The following LRP2 variants were observed in gnomAD, a reference collection of about 807,000 sequenced individuals.
LRP2 encodes the protein LDL receptor related protein 2.
A neutral mutation model predicts 531.0 loss-of-function variants in LRP2; 172 were observed. The ratio of observed to expected loss-of-function variants is 0.32; its 90% CI spans 0.29 to 0.37. The LOEUF (loss-of-function observed/expected upper bound fraction) is 0.37. Ranked by LOEUF, LRP2 falls within the 10% of genes least tolerant of loss-of-function variation. The pLI, the probability that LRP2 is intolerant of heterozygous loss-of-function variation, is 1.00. For missense variants in LRP2, 5,167 were observed against 5,868.3 expected, an observed-to-expected ratio of 0.88 and a Z score of 3.90; for synonymous variants, 1,992 against 2,027.6, an observed-to-expected ratio of 0.98 and a Z score of 0.47.
intron 50 of LRP2, among the ~76,000 whole-genome samples, chr2:169,183,086 A>G (rs1253705181): frequency 6.6e-6 from 1 of 152,140 alleles, no homozygotes; most frequent in African/African-American, 2.4e-5. Flanking sequence ...AGCATCCATA[A>G]CCTTCCAAAG....
chr2:169,294,973 C>A (rs1375391210), intron 4 of LRP2, among the ~76,000 whole-genome samples: 2 of 152,154 alleles, frequency 1.3e-5, no homozygotes, highest in Non-Finnish European at 2.9e-5. Flanking sequence ...TGTGAGACTG[C>A]ATAGCAGAGA....
intron 44 of LRP2, among the ~76,000 whole-genome samples, chr2:169,200,882 T>C (rs909209617): frequency 8.5e-5 from 13 of 152,074 alleles, no homozygotes. Flanking sequence ...TGATGGGAGC[T>C]TCATAAGAGA....
chr2:169,145,643 A>G, intron 70 of LRP2, 104 bp downstream of exon 70: 1 of 1,131,294 alleles, frequency 8.8e-7, no homozygotes, highest in Non-Finnish European at 1.3e-6. Context: ...GCACCAAGAG[A>G]TTAGCTTGTT....
chr2:169,234,080 C>A (rs555447484), intron 29 of LRP2, among the ~76,000 whole-genome samples: 53 of 152,280 alleles, frequency 3.5e-4, no homozygotes, highest in Non-Finnish European at 6.3e-4. Flanking sequence ...TCCTTCAAGT[C>A]ACAGCAACTA....
At chr2:169,308,277 G>A (rs1040561949) in intron 3 of LRP2, among the ~76,000 whole-genome samples, 6 of 152,018 alleles carry the variant, frequency 3.9e-5, no homozygotes, top group Admixed American at 3.3e-4. Flanking sequence ...ACAGCGTGCA[G>A]GTTTGTTACA....
At chr2:169,152,738 C>G (rs1224294188) in intron 67 of LRP2, 61 bp downstream of exon 67, 2 of 1,577,722 alleles carry the variant, frequency 1.3e-6, no homozygotes. Flanking sequence ...CCATGGAGTG[C>G]AGTAGAGAAC....
chr2:169,291,707 C>CT (rs1684003006), intron 7 of LRP2, among the ~76,000 whole-genome samples: 1 of 36,554 alleles, frequency 2.7e-5, no homozygotes, highest in Non-Finnish European at 6.4e-5. Flanking sequence ...CCTACACTTA[C>CT]CATCCCCAGC....
rs1212134933 is a variant in LRP2 at position 169,320,899 on chromosome 2, A to C, written c.80-15T>G. The stretch of plus-strand genomic sequence containing the variant: ...ACTGTCACATTCTGCAATAATAGAC[A>C]GAAATTTTAAAAACTTATGCCATGC... On this transcript the variant is annotated splice_polypyrimidine_tract_variant and intron_variant, in intron 1 of 78. Coordinates refer to ENST00000649046, the MANE Select transcript of LRP2 (RefSeq NM_004525.3). 6.3e-7 allele frequency: 1 copy of C among 1,582,544 alleles called. No homozygotes were observed.
chr2:169,314,108 C>T (rs182649159), intron 3 of LRP2, among the ~76,000 whole-genome samples: 4 of 152,156 alleles, frequency 2.6e-5, no homozygotes, highest in Admixed American at 6.5e-5. Context: ...CCTTTTCAAA[C>T]GACAAGTAAA....
At chr2:169,241,421 A>G (rs922294135) in intron 24 of LRP2, 56 bp from the exon 25 acceptor site, 3 of 1,595,382 alleles carry the variant, frequency 1.9e-6, no homozygotes, top group Non-Finnish European at 2.6e-6. Flanking sequence ...GATCCCTTTT[A>G]TAGTCTAGAC....
chr2:169,357,848 A>G (rs1686034579), intron 1 of LRP2, among the ~76,000 whole-genome samples: 1 of 152,196 alleles, frequency 6.6e-6, no homozygotes, highest in Non-Finnish European at 1.5e-5. Context: ...AACAATGATT[A>G]TGACCTAATA....
chr2:169,266,034 G>A (rs1291066165), intron 16 of LRP2, among the ~76,000 whole-genome samples: 1 of 151,966 alleles, frequency 6.6e-6, no homozygotes, highest in African/African-American at 2.4e-5. Flanking sequence ...TGAAAATGGG[G>A]CAATTGTCAA....
At chr2:169,207,314 T>A in intron 38 of LRP2, 64 bp from the exon 39 acceptor site, 1 of 1,191,628 alleles carries the variant, frequency 8.4e-7, no homozygotes, top group Non-Finnish European at 1.2e-6. Flanking sequence ...AGGGAGAACT[T>A]TACAAATTCA....
intron 1 of LRP2, among the ~76,000 whole-genome samples, chr2:169,358,761 G>T (rs968515486): frequency 6.6e-6 from 1 of 152,124 alleles, no homozygotes. Flanking sequence ...GGGAAGCAGA[G>T]GTAGGAGGAT....
chr2:169,343,272 T>C (rs1685612944), intron 1 of LRP2, among the ~76,000 whole-genome samples: 1 of 152,212 alleles, frequency 6.6e-6, no homozygotes. Flanking sequence ...CAAACATTCT[T>C]GGGGGAAGAA....
rs1383761930 is a variant in LRP2 at position 169,157,457 on chromosome 2, T to C, written c.11933A>G (p.Asn3978Ser). ...RTCAENICEQ[N>S]CTQLNEGGFI... ...TCCTCCTTCATTTAATTGGGTACAA[T>C]TTTGCTCGCATATATTTTCAGCACA... The change falls in exon 64 of 79, where the codon AAT (asparagine) becomes AGT (serine). Residue 3978 changes from asparagine to serine, a missense_variant. Physicochemically the swap from Asn to Ser is conservative, Grantham distance 46. This residue lies in a region of LRP2 where 564 missense variants were observed against 747.7 expected (regional missense o/e 0.75). Transcript: ENST00000649046. The C allele has an allele frequency of 6.2e-7, 1 of 1,613,104 alleles. No individual in the cohort carries two copies. Among genetic ancestry groups the C allele is most frequent in the East Asian group, 2.2e-5 (1 of 44,856 alleles).
intron 50 of LRP2, among the ~76,000 whole-genome samples, chr2:169,185,111 T>C (rs1332613801): frequency 1.3e-5 from 2 of 152,156 alleles, no homozygotes; most frequent in Non-Finnish European, 2.9e-5. Context: ...GCAAGGGCCA[T>C]GTCTGCCTTG....
At chr2:169,359,621 A>G (rs1181451020) in intron 1 of LRP2, among the ~76,000 whole-genome samples, 1 of 152,168 alleles carries the variant, frequency 6.6e-6, no homozygotes, top group African/African-American at 2.4e-5. Flanking sequence ...GGACATTCAG[A>G]GGAAATGCGT....
chr2:169,131,087 G>A (rs1001312890), intron 77 of LRP2, among the ~76,000 whole-genome samples: 2 of 152,180 alleles, frequency 1.3e-5, no homozygotes, highest in African/African-American at 4.8e-5. Flanking sequence ...GTTGACTCAG[G>A]CTTGGAGGAC....
Sources: allele counts gnomAD v4.1 joint callset (sites outside exome capture counted in the v4.1 genomes callset), GRCh38; gene constraint gnomAD v4.1.1; regional missense constraint gnomAD v4.1.1; transcripts MANE v1.5; gene names NCBI Gene and HGNC (gene_info 2026-07-23, HGNC 2026-07-21).